Variants in SLC30A9 observed in about 807,000 individuals in gnomAD.
SLC30A9 encodes solute carrier family 30 member 9.
SLC30A9 carries 58 observed loss-of-function variants against 87.5 expected under a neutral mutation model. The observed-to-expected ratio is 0.66, with a 90% CI of 0.54 to 0.82. The LOEUF (loss-of-function observed/expected upper bound fraction) is 0.82, where lower values mean the gene tolerates loss of function less well. SLC30A9 is among the 40% of genes least tolerant of loss of function. The pLI is 0.00. For synonymous variants in SLC30A9, 234 were observed against 233.0 expected, an observed-to-expected ratio of 1.00 and a Z score of -0.04; for missense variants, 557 against 679.1, an observed-to-expected ratio of 0.82 and a Z score of 2.00.
At chr4:42,038,021 C>T (rs376425120) in intron 7 of SLC30A9, among the ~76,000 whole-genome samples, 1 of 152,082 alleles carries the variant, frequency 6.6e-6, no homozygotes, top group African/African-American at 2.4e-5. Context: ...GTCTGCCCAT[C>T]TTGGCCTCCC....
At chr4:42,052,159 A>C (rs1054541467) in intron 9 of SLC30A9, among the ~76,000 whole-genome samples, 1 of 152,098 alleles carries the variant, frequency 6.6e-6, no homozygotes, top group African/African-American at 2.4e-5. Context: ...AATAAATTCC[A>C]TAAGTAGTAT....
intron 17 of SLC30A9, 44 bp downstream of exon 17, chr4:42,078,369 T>A (rs1718638377): frequency 9.9e-7 from 1 of 1,010,302 alleles, no homozygotes; most frequent in Non-Finnish European, 1.5e-6. Context: ...ATGGCAGCTA[T>A]TTTTTTGAGT....
At position 42,070,604 on chromosome 4, in the gene SLC30A9, C is replaced by G. The variant is rs146045214; in HGVS notation, c.1331C>G (p.Thr444Ser). ...LGMVSAFLIY[T>S]NTEALLGRSI... ...ATGGTCTCAGCATTCCTCATCTACA[C>G]TAACACAGAAGCACTCTTAGGGCGG... Residue 444 changes from threonine to serine, a missense_variant, in exon 15 of 18, where the codon ACT (threonine) becomes AGT (serine). Coordinates refer to ENST00000264451, the MANE Select transcript of SLC30A9 (RefSeq NM_006345.4). 194 of 1,613,902 alleles carry G rather than the reference C, an allele frequency of 1.2e-4. 1 individual carries two copies. The highest frequency in any genetic ancestry group is 1.6e-4 in the Non-Finnish European group (189 of 1,179,930).
chr4:42,043,193 C>T (rs558389429), intron 8 of SLC30A9, among the ~76,000 whole-genome samples: 18 of 152,022 alleles, frequency 1.2e-4, no homozygotes, highest in Non-Finnish European at 1.9e-4. Flanking sequence ...CACAACTCCT[C>T]GCCAGCAAGG....
chr4:42,016,717 A>G (rs1467343692), intron 2 of SLC30A9, among the ~76,000 whole-genome samples: 1 of 152,170 alleles, frequency 6.6e-6, no homozygotes, highest in Non-Finnish European at 1.5e-5. Flanking sequence ...AGCACACAGT[A>G]AAAGCTCAAA....
chr4:42,066,793 A>C (rs1401221148), intron 13 of SLC30A9, among the ~76,000 whole-genome samples, 172 bp downstream of exon 13: 3 of 152,196 alleles, frequency 2.0e-5, no homozygotes, highest in Non-Finnish European at 4.4e-5. Flanking sequence ...TAGTATAGAA[A>C]TTTGAACATG....
chr4:42,063,310 CAAT>C (rs1416229103), intron 11 of SLC30A9, among the ~76,000 whole-genome samples, 189 bp downstream of exon 11: 2 of 152,160 alleles, frequency 1.3e-5, no homozygotes, highest in African/African-American at 2.4e-5. Flanking sequence ...CCATAAGATT[CAAT>C]GATGTTGAAC....
At chr4:41,995,526 G>A (rs1222287376) in intron 1 of SLC30A9, among the ~76,000 whole-genome samples, 1 of 152,122 alleles carries the variant, frequency 6.6e-6, no homozygotes, top group African/African-American at 2.4e-5. Flanking sequence ...TAGGCAGGAT[G>A]ATGGGCTAGA....
chr4:41,992,388 T>C (rs1316243303), intron 1 of SLC30A9, among the ~76,000 whole-genome samples: 1 of 152,044 alleles, frequency 6.6e-6, no homozygotes, highest in Non-Finnish European at 1.5e-5. Flanking sequence ...ACGTTTATAC[T>C]GTACTCCAGA....
At chr4:42,065,024 A>G (rs560655499) in intron 11 of SLC30A9, among the ~76,000 whole-genome samples, 2 of 152,216 alleles carry the variant, frequency 1.3e-5, no homozygotes, top group South Asian at 4.1e-4. Flanking sequence ...GTAACTACTT[A>G]TCTTTCTGAA....
At chr4:42,040,689 G>A (rs1168653923) in intron 8 of SLC30A9, among the ~76,000 whole-genome samples, 1 of 150,986 alleles carries the variant, frequency 6.6e-6, no homozygotes, top group Non-Finnish European at 1.5e-5. Flanking sequence ...CCAGCTACTT[G>A]AGAGGCTGAG....
intron 2 of SLC30A9, among the ~76,000 whole-genome samples, chr4:42,006,658 G>T (rs1256820028): frequency 2.7e-5 from 4 of 149,082 alleles, no homozygotes; most frequent in African/African-American, 1.0e-4. Context: ...CTGCACTCTA[G>T]CCTGGGCAAC....
chr4:42,030,009 C>G (rs1183126173), intron 6 of SLC30A9: 3 of 877,296 alleles, frequency 3.4e-6, no homozygotes, highest in Non-Finnish European at 5.5e-6. Context: ...GTTCACCAAC[C>G]TTACCATGGA....
intron 15 of SLC30A9, among the ~76,000 whole-genome samples, chr4:42,073,414 G>A (rs190297210): frequency 5.5e-4 from 84 of 152,278 alleles, no homozygotes; most frequent in African/African-American, 1.9e-3. Flanking sequence ...GAAAAAATAC[G>A]TTAGTAATCC....
chr4:42,075,214 C>G lies in SLC30A9; in HGVS notation c.1419-443C>G, dbSNP rs892835333. Among the ~76,000 whole-genome samples, 18 of 150,150 alleles carry G rather than the reference C, an allele frequency of 1.2e-4. 1 individual carries two copies. The highest frequency in any genetic ancestry group is 1.1e-3 in the Admixed American group (17 of 15,052). ...TCAGCCTCCTGAGTAGCTGGGATTA[C>G]AGGCATGCACCACCATGCCTGGCTA... is the stretch of plus-strand genomic sequence containing the variant. On this transcript the variant is annotated intron_variant, in intron 15 of 17. Transcript: ENST00000264451.
intron 15 of SLC30A9, among the ~76,000 whole-genome samples, chr4:42,073,644 G>T (rs1447881307): frequency 6.6e-6 from 1 of 152,190 alleles, no homozygotes; most frequent in African/African-American, 2.4e-5. Context: ...GGAAGGGGCT[G>T]CTTCTAACCT....
chr4:42,046,291 A>G (rs2153138154), intron 8 of SLC30A9, among the ~76,000 whole-genome samples: 1 of 152,326 alleles, frequency 6.6e-6, no homozygotes, highest in Admixed American at 6.5e-5. Flanking sequence ...GAGGAAGTCA[A>G]GTTGTCTCTG....
chr4:42,057,801 C>T (rs1343841670), intron 9 of SLC30A9, among the ~76,000 whole-genome samples: 1 of 152,108 alleles, frequency 6.6e-6, no homozygotes, highest in African/African-American at 2.4e-5. Context: ...GCTCTGTTTC[C>T]CTTTTAAAAC....
chr4:42,052,693 A>G (rs1307457996), intron 9 of SLC30A9, among the ~76,000 whole-genome samples: 1 of 152,216 alleles, frequency 6.6e-6, no homozygotes, highest in Non-Finnish European at 1.5e-5. Context: ...TATGGGGAGA[A>G]AAAGGACCTT....
Sources: allele counts gnomAD v4.1 joint callset (sites outside exome capture counted in the v4.1 genomes callset), GRCh38; gene constraint gnomAD v4.1.1; transcripts MANE v1.5; gene names NCBI Gene and HGNC (gene_info 2026-07-23, HGNC 2026-07-21).